CWH43: variants seen among roughly 807,000 people sequenced by gnomAD.
The protein encoded by CWH43 is cell wall biogenesis 43 C-terminal homolog.
A neutral mutation model predicts 85.7 loss-of-function variants in CWH43; 91 were observed. The observed-to-expected ratio is 1.06, with a 90% confidence interval of 0.90 to 1.26. The LOEUF is 1.26. Ranked by LOEUF, CWH43 falls within the 50% of genes most tolerant of loss-of-function variation. The probability of loss-of-function intolerance (pLI) is 0.00; values close to 1 mark genes in which losing one functional copy is unlikely to be tolerated. For missense variants in CWH43, 869 were observed against 839.2 expected (o/e 1.04, Z -0.44); for synonymous variants, 323 against 293.6 (o/e 1.10, Z -1.02).
rs754972458 is a variant in CWH43 at position 49,044,839 on chromosome 4, G to A, written c.1857G>A (p.Gly619=). The change falls in exon 14 of 16, where the codon GGG becomes GGA. Residue 619 remains glycine, a synonymous_variant. Coordinates refer to ENST00000226432, the MANE Select transcript of CWH43 (RefSeq NM_025087.3). The part of the protein sequence containing the change: ...DRWCEYIMYR[G]LIRLGYARIS... ...GGTGTGAATACATTATGTATCGAGGGCTGATCAGGTGAGCACAGGGGTTTG... is the reference window on the plus strand; with the variant it reads ...GGTGTGAATACATTATGTATCGAGGACTGATCAGGTGAGCACAGGGGTTTG... 6 of 1,612,656 alleles carry A rather than the reference G, an allele frequency of 3.7e-6. No homozygotes were observed. Among genetic ancestry groups the A allele is most frequent in the Non-Finnish European group, 5.1e-6 (6 of 1,178,934 alleles).
chr4:49,049,667 T>C (rs1266029608), intron 14 of CWH43, among the ~76,000 whole-genome samples: 1 of 152,214 alleles, frequency 6.6e-6, no homozygotes, highest in Non-Finnish European at 1.5e-5. Context: ...ACACCAAGCA[T>C]ATTTCCACCT....
At chr4:49,059,752 G>C (rs1047662555) in intron 15 of CWH43, among the ~76,000 whole-genome samples, 2 of 152,194 alleles carry the variant, frequency 1.3e-5, no homozygotes, top group African/African-American at 4.8e-5. Flanking sequence ...GGCCAGCCTG[G>C]TGCTGGGGTC....
At chr4:49,016,887 C>T (rs1783564627) in intron 8 of CWH43, 1 of 785,082 alleles carries the variant, frequency 1.3e-6, no homozygotes, top group African/African-American at 1.7e-5. Context: ...CAGGACTACC[C>T]ACGTAGCTCT....
chr4:49,050,604 T>C (rs1784761732), intron 14 of CWH43, 90 bp from the exon 15 acceptor site: 1 of 997,586 alleles, frequency 1.0e-6, no homozygotes, highest in East Asian at 2.4e-5. Flanking sequence ...AGTGGGAAAC[T>C]GGTTTAATAA....
intron 6 of CWH43, among the ~76,000 whole-genome samples, chr4:49,000,401 A>G (rs576598653): frequency 6.6e-6 from 1 of 152,258 alleles, no homozygotes; most frequent in South Asian, 2.1e-4. Context: ...ATTTTTTGAT[A>G]GGCATTGTAT....
At chr4:49,044,373 A>T (rs879472244) in intron 13 of CWH43, among the ~76,000 whole-genome samples, 3 of 152,266 alleles carry the variant, frequency 2.0e-5, no homozygotes, top group South Asian at 4.1e-4. Flanking sequence ...GTGTGGGAGG[A>T]TGGAGACATA....
intron 6 of CWH43, among the ~76,000 whole-genome samples, chr4:49,003,379 G>A (rs1246740022): frequency 2.0e-5 from 3 of 152,152 alleles, no homozygotes; most frequent in Non-Finnish European, 4.4e-5. Context: ...GCATCTGATT[G>A]GTTAAATGTA....
chr4:49,005,655 C>G (rs756536078), intron 7 of CWH43, among the ~76,000 whole-genome samples: 14 of 151,452 alleles, frequency 9.2e-5, no homozygotes, highest in African/African-American at 2.9e-4. Context: ...GAGCTCCCCC[C>G]TCAACCTCCC....
chr4:49,059,520 T>G (rs578179928), intron 15 of CWH43, among the ~76,000 whole-genome samples: 2 of 152,356 alleles, frequency 1.3e-5, no homozygotes, highest in South Asian at 4.1e-4. Flanking sequence ...ATTTATGATC[T>G]TTATGGACAT....
At chr4:49,028,844 A>G (rs1253738883) in intron 10 of CWH43, 110 bp downstream of exon 10, 3 of 695,696 alleles carry the variant, frequency 4.3e-6, no homozygotes, top group Non-Finnish European at 7.1e-6. Flanking sequence ...TAAATTTATG[A>G]CCAGCAGATG....
chr4:49,028,171 A>G (rs917027814), intron 9 of CWH43, among the ~76,000 whole-genome samples: 30 of 152,062 alleles, frequency 2.0e-4, no homozygotes, highest in African/African-American at 7.2e-4. Context: ...ATTTTTTTCT[A>G]TATGACATCT....
chr4:49,030,976 G>A lies in CWH43; in HGVS notation c.1508+16G>A. Reference sequence around the variant, plus strand: ...ACACTTGGGGGTGAGTATACCTTGGGAGTTAATCCCGAAGATAGTCATGAA... The same window carrying A: ...ACACTTGGGGGTGAGTATACCTTGGAAGTTAATCCCGAAGATAGTCATGAA... On this transcript the variant is annotated intron_variant, in intron 11 of 15. Transcript: ENST00000226432. 6.4e-7 allele frequency: 1 copy of A among 1,559,360 alleles called. No homozygotes were observed.
chr4:49,050,347 G>A (rs1784754441), intron 14 of CWH43, among the ~76,000 whole-genome samples: 1 of 152,130 alleles, frequency 6.6e-6, no homozygotes. Flanking sequence ...TAAGAAAGAA[G>A]GTGAACACCC....
In CWH43 at chr4:49,055,591, ATT is replaced by A. The variant is rs34048083; in HGVS notation, c.2021+4756_2021+4757del. 2.4e-3 allele frequency among the ~76,000 whole-genome samples: 343 copies of A among 141,964 alleles called. 1 individual carries two copies. The highest frequency in any genetic ancestry group is 7.1e-3 in the Middle Eastern group (2 of 282). The allele number at this position is 141,964 out of a possible 152,430, so 93.1% of individuals were successfully genotyped here. A position where few individuals can be genotyped will look rare whatever the true frequency, so the allele number is the denominator to read the frequency against. ...AAGGATGGGCATTAATTTTTCTTTCATTTTTTTTTTTTTTTGAGATAGAGTCT... is the reference window on the plus strand; with the variant it reads ...AAGGATGGGCATTAATTTTTCTTTCATTTTTTTTTTTTTGAGATAGAGTCT... On this transcript the variant is annotated intron_variant, in intron 15 of 15. Coordinates refer to ENST00000226432, the MANE Select transcript of CWH43 (RefSeq NM_025087.3).
chr4:49,057,893 C>T (rs1719373265), intron 15 of CWH43, among the ~76,000 whole-genome samples: 1 of 152,108 alleles, frequency 6.6e-6, no homozygotes, highest in Admixed American at 6.5e-5. Context: ...CAGTTTTTGA[C>T]TTAAAGTCTA....
intron 9 of CWH43, among the ~76,000 whole-genome samples, chr4:49,022,928 A>T (rs1277136540): frequency 6.6e-6 from 1 of 151,722 alleles, no homozygotes; most frequent in African/African-American, 2.4e-5. Flanking sequence ...CTTATTCTTT[A>T]CTTGGGTTAT....
At chr4:49,059,144 T>G (rs1420272570) in intron 15 of CWH43, among the ~76,000 whole-genome samples, 1 of 152,166 alleles carries the variant, frequency 6.6e-6, no homozygotes, top group Non-Finnish European at 1.5e-5. Context: ...CTATCTCCAC[T>G]TTTTCATTCT....
Position 49,017,261 on chromosome 4 carries a change from T to A in CWH43, c.1199T>A (p.Leu400His). ...TTTTTCTGTTTAGTTCTGTGGCTGC[T>A]TGTTGGTGTGGGATTGTTGGGATTA... ...EKYMKLFLWL[L>H]VGVGLLGLGL... The change falls in exon 9 of 16, where the codon CTT becomes CAT. Residue 400 changes from leucine (L) to histidine (H), a missense_variant. Leu to His is a moderately conservative substitution (Grantham distance 99). Coordinates refer to ENST00000226432, the MANE Select transcript of CWH43 (RefSeq NM_025087.3). The A allele has an allele frequency of 2.5e-6, 4 of 1,610,934 alleles. No homozygotes were observed. The highest frequency in any genetic ancestry group is 3.4e-6 in the Non-Finnish European group (4 of 1,178,338).
intron 1 of CWH43, 142 bp from the exon 2 acceptor site, chr4:48,988,334 AG>A: frequency 4.2e-6 from 2 of 480,926 alleles, no homozygotes; most frequent in Admixed American, 3.9e-5. Context: ...GTTCCATGTC[AG>A]TGGAGACAAC....
Sources: allele counts gnomAD v4.1 joint callset (sites outside exome capture counted in the v4.1 genomes callset), GRCh38; gene constraint gnomAD v4.1.1; transcripts MANE v1.5; gene names NCBI Gene and HGNC (gene_info 2026-07-23, HGNC 2026-07-21).